Variants in FGF1 observed in about 807,000 individuals in gnomAD.
The protein encoded by FGF1 is beta-endothelial cell growth factor.
In FGF1, 9 loss-of-function variants were observed where a neutral mutation model predicts 13.4. That is an observed-to-expected ratio of 0.67 (90% CI 0.40 to 1.17). The LOEUF (loss-of-function observed/expected upper bound fraction) is 1.17. FGF1 is among the 50% of genes most tolerant of loss of function. The pLI is 0.01. For synonymous variants in FGF1, 93 were observed against 79.0 expected (o/e 1.18, Z -0.94); for missense variants, 156 against 192.7 (o/e 0.81, Z 1.13).
intron 3 of FGF1, among the ~76,000 whole-genome samples, chr5:142,598,610 TA>T (rs1353037362): frequency 2.6e-5 from 4 of 151,882 alleles, no homozygotes; most frequent in Admixed American, 6.6e-5. Context: ...CTTTCAAACT[TA>T]AAAAAAATAT....
At chr5:142,665,319 G>A (rs1326975111) in intron 1 of FGF1, among the ~76,000 whole-genome samples, 5 of 146,776 alleles carry the variant, frequency 3.4e-5, no homozygotes, top group African/African-American at 5.1e-5. Context: ...TCCATCCTCC[G>A]TTCTGGGTGG....
chr5:142,644,826 C>T (rs1248977116), intron 1 of FGF1, among the ~76,000 whole-genome samples: 1 of 152,198 alleles, frequency 6.6e-6, no homozygotes, highest in Non-Finnish European at 1.5e-5. Context: ...AGTAGACCCT[C>T]AGCAAATGCC....
chr5:142,665,574 GC>G (rs1236684410), intron 1 of FGF1, among the ~76,000 whole-genome samples: 2 of 152,080 alleles, frequency 1.3e-5, no homozygotes, highest in African/African-American at 4.8e-5. Context: ...CCAGCTAGCT[GC>G]CTCTGTCCTC....
At chr5:142,615,837 T>G (rs934149228) in intron 1 of FGF1, among the ~76,000 whole-genome samples, 1 of 152,214 alleles carries the variant, frequency 6.6e-6, no homozygotes, top group African/African-American at 2.4e-5. Flanking sequence ...TTTAGTGACT[T>G]TATCCACACT....
intron 1 of FGF1, among the ~76,000 whole-genome samples, chr5:142,658,160 T>C (rs1185440825): frequency 6.6e-6 from 1 of 152,252 alleles, no homozygotes; most frequent in Non-Finnish European, 1.5e-5. Flanking sequence ...CCACTTAATA[T>C]GCCCTAGTCA....
rs888138240 is a variant in FGF1 at position 142,593,798 on chromosome 5, G to C, written c.*1492C>G. ...TGCAATTAAAACATACAGTCTCACA[G>C]TAAATTTCAATGACTTATTAAAGGC... On this transcript the variant is annotated 3_prime_UTR_variant, in exon 4 of 4. Transcript: ENST00000337706. 1 of 152,614 alleles carries C rather than the reference G, an allele frequency of 6.6e-6. No homozygotes were observed. Among genetic ancestry groups the C allele is most frequent in the African/African-American group, 2.4e-5 (1 of 41,440 alleles). The allele number at this position is 152,614 out of a possible 1,614,324, so 9.5% of individuals were successfully genotyped here. A position where few individuals can be genotyped will look rare whatever the true frequency, so the allele number is the denominator to read the frequency against.
At chr5:142,635,339 T>C (rs1318823234) in intron 1 of FGF1, among the ~76,000 whole-genome samples, 1 of 152,214 alleles carries the variant, frequency 6.6e-6, no homozygotes, top group Non-Finnish European at 1.5e-5. Flanking sequence ...GTTACCGTCA[T>C]CTTCATCTTG....
intron 2 of FGF1, among the ~76,000 whole-genome samples, chr5:142,608,480 T>G (rs1015491635): frequency 6.9e-6 from 1 of 144,794 alleles, no homozygotes; most frequent in Admixed American, 7.2e-5. Context: ...TGGGGGAAAA[T>G]AATTCCAGTG....
At chr5:142,626,512 A>G (rs1329149757) in intron 1 of FGF1, among the ~76,000 whole-genome samples, 1 of 152,236 alleles carries the variant, frequency 6.6e-6, no homozygotes, top group Non-Finnish European at 1.5e-5. Flanking sequence ...TGTGGATAAG[A>G]GAATAAAATG....
chr5:142,652,845 T>A (rs1323283997), intron 1 of FGF1, among the ~76,000 whole-genome samples: 3 of 152,226 alleles, frequency 2.0e-5, no homozygotes, highest in African/African-American at 7.2e-5. Context: ...GCTGGGCACA[T>A]CTGCTCACTC....
chr5:142,605,609 C>T (rs897294149), intron 2 of FGF1, among the ~76,000 whole-genome samples: 3 of 152,174 alleles, frequency 2.0e-5, no homozygotes, highest in Non-Finnish European at 4.4e-5. Flanking sequence ...CACATGACTT[C>T]AGCCCTCAGC....
chr5:142,679,660 C>T (rs1773347958), intron 1 of FGF1, among the ~76,000 whole-genome samples: 1 of 152,194 alleles, frequency 6.6e-6, no homozygotes, highest in Non-Finnish European at 1.5e-5. Context: ...CCTCCCTTCT[C>T]TTATTTACAT....
intron 1 of FGF1, among the ~76,000 whole-genome samples, chr5:142,649,179 A>T (rs193001088): frequency 2.6e-4 from 40 of 152,260 alleles, no homozygotes; most frequent in Non-Finnish European, 1.5e-4. Flanking sequence ...TTTTCATAAC[A>T]TTTCTATCCC....
intron 1 of FGF1, chr5:142,680,904 C>T (rs575297335): frequency 6.6e-6 from 1 of 152,286 alleles, no homozygotes; most frequent in Non-Finnish European, 1.5e-5. Flanking sequence ...ATGCAGAATC[C>T]TGGGTCCCTT....
intron 2 of FGF1, among the ~76,000 whole-genome samples, chr5:142,607,081 A>T (rs1360643733): frequency 6.6e-6 from 1 of 151,940 alleles, no homozygotes; most frequent in African/African-American, 2.4e-5. Flanking sequence ...GCTGGCCAAG[A>T]CTCCCACTTT....
upstream of FGF1, among the ~76,000 whole-genome samples, chr5:142,689,855 C>T (rs1751880669): frequency 1.3e-5 from 2 of 150,742 alleles, no homozygotes; most frequent in East Asian, 2.0e-4. Context: ...CCCGCTACCA[C>T]GCCTGGCCAG....
At chr5:142,647,806 CGGT>C (rs1372051492) in intron 1 of FGF1, among the ~76,000 whole-genome samples, 6 of 151,964 alleles carry the variant, frequency 3.9e-5, no homozygotes, top group Non-Finnish European at 8.8e-5. Context: ...GGGTTGGGCA[CGGT>C]GGGTGGGATC....
chr5:142,619,741 G>A (rs901835651), intron 1 of FGF1, among the ~76,000 whole-genome samples: 1 of 152,018 alleles, frequency 6.6e-6, no homozygotes, highest in Admixed American at 6.5e-5. Context: ...GCTGAGGCAG[G>A]AGAATCGCTT....
intron 1 of FGF1, among the ~76,000 whole-genome samples, chr5:142,681,554 G>C (rs1255930560): frequency 6.6e-6 from 1 of 152,192 alleles, no homozygotes; most frequent in Non-Finnish European, 1.5e-5. Context: ...CTAAGGTCCT[G>C]CCATCTCTTA....
Sources: gnomAD v4.1 joint callset for allele counts (sites outside exome capture counted in the v4.1 genomes callset) on GRCh38, gnomAD v4.1.1 for gene constraint, MANE v1.5 for transcripts, NCBI Gene and HGNC (gene_info 2026-07-23, HGNC 2026-07-21) for gene names.